CD99: variants seen among roughly 807,000 people sequenced by gnomAD.
CD99 encodes CD99 molecule (Xg blood group).
In CD99, 19 loss-of-function variants were observed where a neutral mutation model predicts 28.4. That is an observed-to-expected ratio of 0.67 (90% confidence interval 0.47 to 0.98). CD99 has a LOEUF of 0.98. Ranked by LOEUF, CD99 falls within the 50% of genes least tolerant of loss-of-function variation. CD99 has a pLI of 0.00. For synonymous variants in CD99, 103 were observed against 92.1 expected (o/e 1.12, Z -0.67); for missense variants, 283 against 248.8 (o/e 1.14, Z -0.92).
intron 1 of CD99, among the ~76,000 whole-genome samples, chrX:2,707,095 C>A (rs1045037290): frequency 6.6e-6 from 1 of 152,118 alleles, no homozygotes; most frequent in Non-Finnish European, 1.5e-5. Flanking sequence ...TTTGGGAGGC[C>A]AAGGCAGGCA....
At chrX:2,706,901 A>G (rs868539644) in intron 1 of CD99, among the ~76,000 whole-genome samples, 1 of 151,064 alleles carries the variant, frequency 6.6e-6, no homozygotes, top group African/African-American at 2.4e-5. Flanking sequence ...GCTCACTGCA[A>G]CCTCCACCTC....
At chrX:2,707,329 CAAAAGAAAAG>C (rs58329163) in intron 1 of CD99, among the ~76,000 whole-genome samples, 1,560 of 149,292 alleles carry the variant, frequency 0.01, 35 homozygotes, top group African/African-American at 0.036. Context: ...AACTCTGCCT[CAAAAGAAAAG>C]AAAAGAAAAG....
intron 1 of CD99, among the ~76,000 whole-genome samples, chrX:2,703,621 T>C (rs889207627): frequency 3.5e-5 from 5 of 144,412 alleles, no homozygotes; most frequent in Non-Finnish European, 7.7e-5. Context: ...TGTGTGTGTG[T>C]GTGTGTGTGT....
At chrX:2,737,325 A>C (rs113972249) in intron 8 of CD99, among the ~76,000 whole-genome samples, 5,478 of 150,812 alleles carry the variant, frequency 0.036, 137 homozygotes, top group Non-Finnish European at 0.056. Context: ...CTACAGGTGC[A>C]CGCCACCACG....
At position 2,732,183 on chromosome X, in the gene CD99, A is replaced by C. The variant is rs762276788; in HGVS notation, c.475+5810A>C. Among the ~76,000 whole-genome samples, 233 of 152,008 alleles carry C rather than the reference A, an allele frequency of 1.5e-3. 1 individual carries two copies. Among genetic ancestry groups the C allele is most frequent in the African/African-American group, 5.5e-3 (228 of 41,480 alleles). On this transcript the variant is annotated intron_variant, in intron 8 of 9. Transcript: ENST00000381192. ...CCATGTGATACGAAGGGGCCTGTTG[A>C]AGCTGCTTCTCTCATGCACTCGGGG...
intron 1 of CD99, among the ~76,000 whole-genome samples, chrX:2,703,687 CTG>C (rs1390789171): frequency 2.0e-5 from 3 of 150,380 alleles, no homozygotes; most frequent in African/African-American, 7.4e-5. Context: ...ACACAGGGCT[CTG>C]TGAACTGCTA....
At chrX:2,723,583 G>A in intron 7 of CD99, 1 of 629,242 alleles carries the variant, frequency 1.6e-6, no homozygotes, top group East Asian at 2.7e-5. Context: ...CGGATTTTAT[G>A]TTTGGTCACC....
chrX:2,704,122 C>T (rs1168097110), intron 1 of CD99, among the ~76,000 whole-genome samples: 2 of 152,198 alleles, frequency 1.3e-5, no homozygotes, highest in Non-Finnish European at 2.9e-5. Context: ...CCTCGCAGGG[C>T]GATTCTGAGA....
In CD99 at chrX:2,723,375, C is replaced by T. The variant is rs746033845; in HGVS notation, c.361+11C>T. The T allele has an allele frequency of 1.2e-5, 20 of 1,613,834 alleles. No homozygotes were observed. Among genetic ancestry groups the T allele is most frequent in the Non-Finnish European group, 1.5e-5 (18 of 1,179,776 alleles). ...AAGAAGGGGAAGAGGGTAGGTGCAC[C>T]TGGCTTCTGTCTTCTTGTCTCTCCC... On this transcript the variant is annotated intron_variant, in intron 7 of 9. Transcript: ENST00000381192.
At chrX:2,708,883 G>A (rs1212619096) in intron 1 of CD99, among the ~76,000 whole-genome samples, 1 of 152,150 alleles carries the variant, frequency 6.6e-6, no homozygotes, top group Non-Finnish European at 1.5e-5. Context: ...CTGGTGGCGG[G>A]AGGGCCTGTG....
At chrX:2,728,622 C>G (rs754985432) in intron 8 of CD99, among the ~76,000 whole-genome samples, 1 of 152,288 alleles carries the variant, frequency 6.6e-6, no homozygotes, top group South Asian at 2.1e-4. Context: ...GCATAACATT[C>G]TTCTCCCCTC....
Position 2,723,454 on chromosome X carries a change from G to T in CD99, c.361+90G>T, listed in dbSNP as rs2049105270. Reference sequence around the variant, plus strand: ...GTCTGAGAGCTGGCGGACTGCACTGGCATTGGCCTCCTAAAGCTACTGGCA... The same window carrying T: ...GTCTGAGAGCTGGCGGACTGCACTGTCATTGGCCTCCTAAAGCTACTGGCA... On this transcript the variant is annotated intron_variant, in intron 7 of 9. Transcript: ENST00000381192. The T allele has an allele frequency of 6.2e-6, 9 of 1,446,600 alleles. No individual in the cohort carries two copies. In the Admixed American group the frequency reaches 1.5e-4, roughly 24 times the overall value. The allele number at this position is 1,446,600 out of a possible 1,614,324, so 89.6% of individuals were successfully genotyped here.
chrX:2,721,643 T>C (rs2048997491), intron 5 of CD99, among the ~76,000 whole-genome samples: 1 of 152,168 alleles, frequency 6.6e-6, no homozygotes, highest in African/African-American at 2.4e-5. Context: ...TTCCAAGTCT[T>C]TTGTTTGTAC....
intron 9 of CD99, among the ~76,000 whole-genome samples, chrX:2,740,048 C>T (rs1448947910): frequency 3.3e-5 from 5 of 151,742 alleles, no homozygotes; most frequent in African/African-American, 9.7e-5. Flanking sequence ...GCCAAGATTG[C>T]GCCATTGCAC....
At chrX:2,732,809 T>TCCATCCCTCCCTCCTTC (rs2049720380) in intron 8 of CD99, among the ~76,000 whole-genome samples, 6 of 149,148 alleles carry the variant, frequency 4.0e-5, no homozygotes, top group African/African-American at 1.5e-4. Context: ...TTCCTTTCTT[T>TCCATCCCTCCCTCCTTC]TTTTCCTCTC....
rs758647002 is a variant in CD99 at position 2,703,605 on chromosome X, A to T, written c.68-10817A>T. ...CTGTAATTAACAAACCGAGCTGTTAAGTGTGTGTGTGTGTGTGTGTGTGTG... is the reference window on the plus strand; with the variant it reads ...CTGTAATTAACAAACCGAGCTGTTATGTGTGTGTGTGTGTGTGTGTGTGTG... On this transcript the variant is annotated intron_variant, in intron 1 of 9. Coordinates refer to ENST00000381192, the MANE Select transcript of CD99 (RefSeq NM_002414.5). 3.7e-3 allele frequency among the ~76,000 whole-genome samples: 518 copies of T among 138,494 alleles called. 2 individuals are homozygous for T. Among genetic ancestry groups the T allele is most frequent in the African/African-American group, 0.012 (465 of 37,364 alleles). The allele number at this position is 138,494 out of a possible 152,430, so 90.9% of individuals were successfully genotyped here. A position where few individuals can be genotyped will look rare whatever the true frequency, so the allele number is the denominator to read the frequency against.
rs140688356 is a variant in CD99 at position 2,723,358 on chromosome X, G to A, written c.355G>A (p.Glu119Lys). ...DGGGSHRKEG[E>K]EADAPGVIPG... Reference sequence around the variant, plus strand: ...TGGAGGCAGCCACAGGAAAGAAGGGGAAGAGGGTAGGTGCACCTGGCTTCT... The same window carrying A: ...TGGAGGCAGCCACAGGAAAGAAGGGAAAGAGGGTAGGTGCACCTGGCTTCT... The change falls in exon 7 of 10, where the codon GAA becomes AAA. Residue 119 changes from glutamate (E) to lysine (K), a missense_variant. Physicochemically the swap from Glu to Lys is moderately conservative, Grantham distance 56 (BLOSUM62 1). Coordinates refer to ENST00000381192, the MANE Select transcript of CD99 (RefSeq NM_002414.5). 434 of 1,613,994 alleles carry A rather than the reference G, an allele frequency of 2.7e-4. No individual in the cohort carries two copies. The highest frequency in any genetic ancestry group is 3.5e-4 in the Non-Finnish European group (413 of 1,179,862).
rs753793275 is a variant in CD99, at chrX:2,703,106, T to C, written c.68-11316T>C. ...ACCTGGCCAGAATTGAGCTTCTCAA[T>C]AGCACATGTTCTCAGCTGAGGTTCA... On this transcript the variant is annotated intron_variant, in intron 1 of 9. Coordinates refer to ENST00000381192, the MANE Select transcript of CD99 (RefSeq NM_002414.5). 1.1e-3 allele frequency among the ~76,000 whole-genome samples: 163 copies of C among 152,238 alleles called. No individual in the cohort carries two copies. The Middle Eastern group carries it at 0.061, about 57-fold the overall frequency.
intron 8 of CD99, among the ~76,000 whole-genome samples, chrX:2,729,158 T>C (rs1479257320): frequency 1.3e-5 from 2 of 152,106 alleles, no homozygotes; most frequent in Non-Finnish European, 2.9e-5. Context: ...TCCCAGACAA[T>C]TGTTGAACAC....
Sources: gnomAD v4.1 joint callset for allele counts (sites outside exome capture counted in the v4.1 genomes callset) on GRCh38, gnomAD v4.1.1 for gene constraint, MANE v1.5 for transcripts, NCBI Gene and HGNC (gene_info 2026-07-23, HGNC 2026-07-21) for gene names.